The following SMYD3 variants were observed in gnomAD, a reference collection of about 807,000 sequenced individuals.
The protein encoded by SMYD3 is SET and MYND domain containing 3.
SMYD3 carries 36 observed loss-of-function variants against 57.7 expected under a neutral mutation model. The observed-to-expected ratio is 0.62, with a 90% CI of 0.48 to 0.82. The LOEUF (loss-of-function observed/expected upper bound fraction) is 0.82, where lower values mean the gene tolerates loss of function less well. Ranked by LOEUF, SMYD3 falls within the 40% of genes least tolerant of loss-of-function variation. The pLI is 0.00. For synonymous variants in SMYD3, 211 were observed against 195.0 expected, an observed-to-expected ratio of 1.08 and a Z score of -0.68; for missense variants, 515 against 538.8, an observed-to-expected ratio of 0.96 and a Z score of 0.44.
intron 10 of SMYD3, among the ~76,000 whole-genome samples, chr1:245,782,226 A>G (rs1012603713): frequency 6.6e-6 from 1 of 152,168 alleles, no homozygotes; most frequent in African/African-American, 2.4e-5. Flanking sequence ...TAGTTCCTTT[A>G]ATCTTGTCTC....
At position 245,942,853 on chromosome 1, in the gene SMYD3, T is replaced by A. The variant is rs540213264; in HGVS notation, c.532-12916A>T. Among the ~76,000 whole-genome samples the A allele has an allele frequency of 5.9e-5, 9 of 152,224 alleles. 1 individual carries two copies. The South Asian group carries it at 8.3e-4, about 14-fold the overall frequency. ...ACTCACTCAAAACCACACAACTACA[T>A]GGAAATTGAACAATGTGCTCCTGAA... On this transcript the variant is annotated intron_variant, in intron 5 of 11. Coordinates refer to ENST00000490107, the MANE Select transcript of SMYD3 (RefSeq NM_001167740.2).
chr1:246,333,982 G>A (rs1018731861), intron 3 of SMYD3, among the ~76,000 whole-genome samples: 1 of 151,866 alleles, frequency 6.6e-6, no homozygotes, highest in African/African-American at 2.4e-5. Flanking sequence ...AATGCTCTAC[G>A]TTACTAATCA....
intron 8 of SMYD3, among the ~76,000 whole-genome samples, chr1:245,912,804 T>A (rs1449947218): frequency 6.6e-6 from 1 of 152,214 alleles, no homozygotes; most frequent in Non-Finnish European, 1.5e-5. Context: ...GATATCCACG[T>A]GCAGAAGAAT....
intron 10 of SMYD3, among the ~76,000 whole-genome samples, chr1:245,851,857 G>T (rs936039209): frequency 3.9e-5 from 6 of 152,192 alleles, no homozygotes; most frequent in African/African-American, 1.4e-4. Flanking sequence ...CTAGCCAGGA[G>T]TGAAACACTA....
intron 5 of SMYD3, among the ~76,000 whole-genome samples, chr1:245,998,871 ATG>A (rs1486287001): frequency 1.3e-5 from 2 of 152,220 alleles, no homozygotes; most frequent in Non-Finnish European, 2.9e-5. Context: ...TGAAGAGATT[ATG>A]TTAAGTGGAA....
intron 10 of SMYD3, among the ~76,000 whole-genome samples, chr1:245,782,999 A>G (rs1375196898): frequency 6.6e-6 from 1 of 152,214 alleles, no homozygotes; most frequent in African/African-American, 2.4e-5. Flanking sequence ...CTGTCTGTGC[A>G]CCATGTGGGG....
rs375764878 is a variant in SMYD3 at position 246,433,388 on chromosome 1, C to T, written c.164+73666G>A. On this transcript the variant is annotated intron_variant, in intron 1 of 11. Coordinates refer to ENST00000490107, the MANE Select transcript of SMYD3 (RefSeq NM_001167740.2). ...AATATCACTAAAATGGCCACACTCG[C>T]GGTGGCTCACGCCTGTAATCCCAGC... Among the ~76,000 whole-genome samples, 84 of 152,304 alleles carry T rather than the reference C, an allele frequency of 5.5e-4. 1 individual carries two copies. The South Asian group carries it at 0.012, about 22-fold the overall frequency.
intron 5 of SMYD3, among the ~76,000 whole-genome samples, chr1:246,016,285 C>T (rs932632600): frequency 2.6e-5 from 4 of 151,184 alleles, no homozygotes; most frequent in Admixed American, 1.3e-4. Flanking sequence ...AAACATCATG[C>T]TAAAGAAACA....
chr1:246,459,211 G>T (rs910916793), intron 1 of SMYD3, among the ~76,000 whole-genome samples: 3 of 147,066 alleles, frequency 2.0e-5, no homozygotes, highest in African/African-American at 7.6e-5. Context: ...CTTGTTATTT[G>T]AAAGTGTGTG....
intron 1 of SMYD3, among the ~76,000 whole-genome samples, chr1:246,470,577 TAC>T (rs1436588112): frequency 9.4e-5 from 14 of 149,626 alleles, no homozygotes; most frequent in East Asian, 3.9e-4. Context: ...ACTATATATA[TAC>T]ACACACACTA....
intron 5 of SMYD3, among the ~76,000 whole-genome samples, chr1:245,996,068 A>C (rs2058924492): frequency 1.3e-5 from 2 of 152,242 alleles, no homozygotes; most frequent in African/African-American, 4.8e-5. Context: ...CAACACCTAA[A>C]ATCCTCCTGG....
At chr1:246,246,918 T>C (rs2063713791) in intron 5 of SMYD3, among the ~76,000 whole-genome samples, 1 of 151,868 alleles carries the variant, frequency 6.6e-6, no homozygotes, top group South Asian at 2.1e-4. Flanking sequence ...AATTCGATTA[T>C]TCAGATAATT....
intron 5 of SMYD3, among the ~76,000 whole-genome samples, chr1:246,034,847 GT>G (rs2059742147): frequency 6.6e-6 from 1 of 152,122 alleles, no homozygotes; most frequent in Non-Finnish European, 1.5e-5. Flanking sequence ...CTTTCCCAGA[GT>G]TCTCCATCCC....
chr1:245,856,679 GTCT>G lies in SMYD3; in HGVS notation c.1076+1814_1076+1816del, dbSNP rs1288796366. Among the ~76,000 whole-genome samples the G allele has an allele frequency of 9.8e-5, 15 of 152,296 alleles. 1 individual carries two copies. In the Middle Eastern group the frequency reaches 0.024, roughly 242 times the overall value. On this transcript the variant is annotated intron_variant, in intron 10 of 11. Transcript: ENST00000490107. ...GAACAGACACCCGTGTAGGTGTGTG[GTCT>G]TCTTTATGGATGTGGTGGACCCATG...
intron 1 of SMYD3, among the ~76,000 whole-genome samples, chr1:246,375,099 T>TA (rs1316566817): frequency 2.0e-5 from 3 of 151,648 alleles, no homozygotes; most frequent in South Asian, 2.1e-4. Flanking sequence ...TAGCAAAAAT[T>TA]AAAAAAAATA....
intron 5 of SMYD3, among the ~76,000 whole-genome samples, chr1:246,182,535 T>C (rs749589726): frequency 6.6e-6 from 1 of 152,188 alleles, no homozygotes; most frequent in South Asian, 2.1e-4. Context: ...CCTAGATATA[T>C]GACTCCCAGT....
At chr1:245,891,918 C>T (rs189062883) in intron 8 of SMYD3, among the ~76,000 whole-genome samples, 163 of 152,228 alleles carry the variant, frequency 1.1e-3, no homozygotes, top group African/African-American at 3.7e-3. Flanking sequence ...TGGTGGCACA[C>T]GCCTGTAGCC....
chr1:245,922,630 C>T (rs1045173734), intron 7 of SMYD3, among the ~76,000 whole-genome samples: 12 of 151,320 alleles, frequency 7.9e-5, no homozygotes, highest in African/African-American at 2.9e-4. Flanking sequence ...GGACACTCAC[C>T]ATTTGAGCTC....
At chr1:245,942,870 G>T (rs2057298441) in intron 5 of SMYD3, among the ~76,000 whole-genome samples, 1 of 152,128 alleles carries the variant, frequency 6.6e-6, no homozygotes, top group African/African-American at 2.4e-5. Flanking sequence ...TGAACAATGT[G>T]CTCCTGAATG....
Sources: allele counts gnomAD v4.1 joint callset (sites outside exome capture counted in the v4.1 genomes callset), GRCh38; gene constraint gnomAD v4.1.1; transcripts MANE v1.5; gene names NCBI Gene and HGNC (gene_info 2026-07-23, HGNC 2026-07-21).